Variants in SHMT1 observed in about 807,000 individuals in gnomAD.
SHMT1 encodes serine hydroxymethyltransferase 1.
SHMT1 carries 45 observed loss-of-function variants against 49.0 expected under a neutral mutation model. The observed-to-expected ratio is 0.92, with a 90% CI of 0.72 to 1.18. The LOEUF is 1.18. Ranked by LOEUF, SHMT1 falls within the 50% of genes most tolerant of loss-of-function variation. The pLI is 0.00. For synonymous variants in SHMT1, 232 were observed against 246.6 expected, an observed-to-expected ratio of 0.94 and a Z score of 0.55; for missense variants, 541 against 612.4, an observed-to-expected ratio of 0.88 and a Z score of 1.23.
intron 1 of SHMT1, among the ~76,000 whole-genome samples, chr17:18,357,864 CT>C (rs1165307729): frequency 0.023 from 2,801 of 121,372 alleles, 99 homozygotes; most frequent in African/African-American, 0.084. Context: ...AGCTAGGACT[CT>C]TTTTTTTTTT....
At chr17:18,343,375 G>C (rs890112292) in intron 5 of SHMT1, among the ~76,000 whole-genome samples, 1 of 151,998 alleles carries the variant, frequency 6.6e-6, no homozygotes, top group Non-Finnish European at 1.5e-5. Context: ...TTGGGAGGCC[G>C]AGGGGGTCAG....
At chr17:18,339,612 G>A (rs1234648622) in intron 7 of SHMT1, among the ~76,000 whole-genome samples, 1 of 151,600 alleles carries the variant, frequency 6.6e-6, no homozygotes, top group Non-Finnish European at 1.5e-5. Flanking sequence ...CCAGGCTGGA[G>A]TACAGTGGCA....
At chr17:18,345,551 A>C (rs1055923568) in intron 5 of SHMT1, among the ~76,000 whole-genome samples, 23 of 150,248 alleles carry the variant, frequency 1.5e-4, no homozygotes, top group Non-Finnish European at 1.2e-4. Flanking sequence ...ACCACCATGT[A>C]TTTTTAGTAG....
At chr17:18,354,222 A>G (rs1279324885) in intron 2 of SHMT1, among the ~76,000 whole-genome samples, 2 of 152,196 alleles carry the variant, frequency 1.3e-5, no homozygotes, top group African/African-American at 4.8e-5. Flanking sequence ...GTTCGAGACC[A>G]GCCTGACTAA....
intron 9 of SHMT1, chr17:18,332,629 G>A (rs1470187265): frequency 5.6e-6 from 1 of 177,460 alleles, no homozygotes; most frequent in African/African-American, 2.3e-5. Flanking sequence ...ACCCCAGAGT[G>A]GGGCCCTGAC....
chr17:18,355,908 G>A lies in SHMT1; in HGVS notation c.74C>T (p.Pro25Leu). The change falls in exon 2 of 12, where the codon CCC becomes CTC. Residue 25 changes from proline (P) to leucine (L), a missense_variant. Physicochemically the swap from Pro to Leu is moderately conservative, Grantham distance 98 (BLOSUM62 -3). Coordinates refer to ENST00000316694, the MANE Select transcript of SHMT1 (RefSeq NM_004169.5). ...WSSHDKMLAQPLKDSDVEVYN... is the reference protein window; with the variant it reads ...WSSHDKMLAQLLKDSDVEVYN... ...CACCTCAACATCACTGTCTTTGAGG[G>A]GTTGTGCCAGCATCTTGTCATGTGA... 1.9e-6 allele frequency: 3 copies of A among 1,613,688 alleles called. No individual in the cohort carries two copies. Among genetic ancestry groups the A allele is most frequent in the Non-Finnish European group, 2.5e-6 (3 of 1,179,652 alleles).
At position 18,348,417 on chromosome 17, in the gene SHMT1, A is replaced by G. The variant is rs768178817; in HGVS notation, c.266T>C (p.Ile89Thr). 3.1e-5 allele frequency: 50 copies of G among 1,613,700 alleles called. 1 individual carries two copies. The South Asian group carries it at 4.6e-4, about 15-fold the overall frequency. The part of the protein sequence containing the change: ...GQRYYGGTEF[I>T]DELETLCQKR... ...CTGACAGAGGGTCTCCAGTTCATCA[A>G]TAAACTCAGTCCCGCCATAGTATCT... is the stretch of plus-strand genomic sequence containing the variant. Residue 89 changes from isoleucine (I) to threonine (T), a missense_variant, in exon 4 of 12, where the codon ATT becomes ACT. By Grantham distance (89) the Ile-to-Thr change is moderately conservative. Transcript: ENST00000316694.
At chr17:18,363,208 C>G (rs1447598658) in intron 1 of SHMT1, 164 bp downstream of exon 1, 2 of 152,276 alleles carry the variant, frequency 1.3e-5, no homozygotes, top group Non-Finnish European at 2.9e-5. Flanking sequence ...CGCCCGATCC[C>G]CAGCCCAGGC....
intron 10 of SHMT1, 152 bp downstream of exon 10, chr17:18,330,403 C>T (rs1434081453): frequency 2.1e-5 from 15 of 707,508 alleles, no homozygotes; most frequent in Admixed American, 4.0e-5. Context: ...CCCAAAGTGC[C>T]GGGATTACAG....
At chr17:18,329,240 A>T in intron 11 of SHMT1, 38 bp downstream of exon 11, 1 of 1,413,290 alleles carries the variant, frequency 7.1e-7, no homozygotes, top group Non-Finnish European at 1.0e-6. Flanking sequence ...CTAAATACAC[A>T]CAATAAGATG....
At chr17:18,348,529 T>A in intron 3 of SHMT1, 89 bp from the exon 4 acceptor site, 1 of 905,728 alleles carries the variant, frequency 1.1e-6, no homozygotes, top group Non-Finnish European at 1.9e-6. Context: ...GGTGGGACAG[T>A]GAAACTAAAG....
At chr17:18,334,989 C>T (rs1005069804) in intron 8 of SHMT1, among the ~76,000 whole-genome samples, 5 of 152,200 alleles carry the variant, frequency 3.3e-5, no homozygotes, top group East Asian at 1.9e-4. Flanking sequence ...AGCCCCTTAG[C>T]GGGAATGAGT....
In SHMT1 at chr17:18,330,644, A is replaced by C. The variant is rs1567767581; in HGVS notation, c.1082T>G (p.Val361Gly). The change falls in exon 10 of 12, where the codon GTG (valine) becomes GGG (glycine). Residue 361 changes from valine to glycine, a missense_variant. Transcript: ENST00000316694. ...TGGSDNHLIL[V>G]DLRSKGTDGG... ...ATCTGTGCCTTTGGAACGGAGATCC[A>C]CAAGGATCAAATGGTTGTCAGAACC... The C allele has an allele frequency of 6.2e-7, 1 of 1,614,058 alleles. No individual in the cohort carries two copies. The highest frequency in any genetic ancestry group is 1.7e-5 in the Admixed American group (1 of 60,028).
At chr17:18,363,039 A>T (rs1286945073) in intron 1 of SHMT1, 1 of 152,248 alleles carries the variant, frequency 6.6e-6, no homozygotes, top group Non-Finnish European at 1.5e-5. Context: ...GTTGTGAAGG[A>T]GCTAGGATTG....
At chr17:18,355,477 T>A (rs991250821) in intron 2 of SHMT1, among the ~76,000 whole-genome samples, 1 of 151,198 alleles carries the variant, frequency 6.6e-6, no homozygotes, top group Non-Finnish European at 1.5e-5. Context: ...GAGGTGGAGG[T>A]TGCAGTGAGC....
At chr17:18,351,002 G>C (rs1985634137) in intron 3 of SHMT1, among the ~76,000 whole-genome samples, 1 of 151,734 alleles carries the variant, frequency 6.6e-6, no homozygotes. Flanking sequence ...CGAAGTGCTG[G>C]GATTACAGGT....
At chr17:18,353,317 C>G (rs971504754) in intron 3 of SHMT1, among the ~76,000 whole-genome samples, 3 of 152,198 alleles carry the variant, frequency 2.0e-5, no homozygotes, top group Non-Finnish European at 4.4e-5. Flanking sequence ...AATACAGACT[C>G]GATGACTCAC....
At chr17:18,343,263 T>C (rs1051502253) in intron 5 of SHMT1, among the ~76,000 whole-genome samples, 13 of 133,872 alleles carry the variant, frequency 9.7e-5, no homozygotes, top group African/African-American at 3.1e-4. Context: ...AAAATAATTT[T>C]TCTTTTCTGG....
intron 8 of SHMT1, 43 bp downstream of exon 8, chr17:18,335,516 G>T: frequency 7.3e-7 from 1 of 1,370,580 alleles, no homozygotes; most frequent in Non-Finnish European, 1.0e-6. Context: ...GGTGGGATGG[G>T]AATTAGGGGC....
Sources: gnomAD v4.1 joint callset for allele counts (sites outside exome capture counted in the v4.1 genomes callset) on GRCh38, gnomAD v4.1.1 for gene constraint, MANE v1.5 for transcripts, NCBI Gene and HGNC (gene_info 2026-07-23, HGNC 2026-07-21) for gene names.